Variants in GIT2 observed in about 807,000 individuals in gnomAD.
GIT2 encodes ARF GTPase-activating protein GIT2.
GIT2 carries 32 observed loss-of-function variants against 100.3 expected under a neutral mutation model. The observed-to-expected ratio is 0.32, with a 90% CI of 0.24 to 0.43. The LOEUF is 0.43. Among genes scored for constraint, GIT2 ranks in the 20% least tolerant of loss-of-function variants. GIT2 has a pLI of 1.00. For synonymous variants in GIT2, 353 were observed against 364.1 expected (o/e 0.97, Z 0.35); for missense variants, 737 against 975.1 (o/e 0.76, Z 3.25).
At chr12:109,984,282 C>A (rs760606532) in intron 4 of GIT2, among the ~76,000 whole-genome samples, 2 of 151,810 alleles carry the variant, frequency 1.3e-5, no homozygotes, top group African/African-American at 2.4e-5. Context: ...TGGTGGCATG[C>A]GCACCTGTAG....
chr12:109,973,996 C>G (rs1257466643), intron 7 of GIT2, among the ~76,000 whole-genome samples: 1 of 151,838 alleles, frequency 6.6e-6, no homozygotes, highest in East Asian at 1.9e-4. Context: ...GAGCCAAGAT[C>G]ACATCACTGC....
At position 109,934,992 on chromosome 12, in the gene GIT2, C is replaced by T. The variant is rs769030615; in HGVS notation, c.2004-907G>A. On this transcript the variant is annotated intron_variant, in intron 18 of 19. Coordinates refer to ENST00000355312, the MANE Select transcript of GIT2 (RefSeq NM_057169.5). The surrounding 1 kb of genome is among the most constrained non-coding windows in gnomAD (Gnocchi z 4.5). ...ACTCAGGAGGCTGAAGCAGGAGAAT[C>T]GCTTGAACCCGGGAGGCAGAGGTTG... Among the ~76,000 whole-genome samples the T allele has an allele frequency of 9.9e-5, 15 of 151,850 alleles. No individual in the cohort carries two copies. Among genetic ancestry groups the T allele is most frequent in the Non-Finnish European group, 8.8e-5 (6 of 67,968 alleles).
chr12:109,959,867 C>G lies in GIT2; in HGVS notation c.1079G>C (p.Ser360Thr), dbSNP rs143933367. The G allele has an allele frequency of 5.6e-6, 9 of 1,610,810 alleles. No homozygotes were observed. The African/African-American group carries it at 9.4e-5, about 17-fold the overall frequency. Residue 360 changes from serine (S) to threonine (T), a missense_variant, in exon 12 of 20, where the codon AGT becomes ACT. Coordinates refer to ENST00000355312, the MANE Select transcript of GIT2 (RefSeq NM_057169.5). ...LSDAKRRQQG[S>T]SLSGSKDNVE... ...GTTACCTTTTGAACCCGAGAGAGAA[C>G]TGCCCTGCTGTCTCCTCTTGGCGTC... is the stretch of plus-strand genomic sequence containing the variant.
rs1871491232 is a variant in GIT2 at position 109,930,659 on chromosome 12, A to G, written c.*2319T>C. On this transcript the variant is annotated 3_prime_UTR_variant, in exon 20 of 20. Transcript: ENST00000355312. ...AGCACTCTTCTGACATATTCTTACAACTGGAAATGCTTTGTTGGTCCCCAT... is the reference window on the plus strand; with the variant it reads ...AGCACTCTTCTGACATATTCTTACAGCTGGAAATGCTTTGTTGGTCCCCAT... 6.6e-6 allele frequency: 1 copy of G among 152,156 alleles called. No homozygotes were observed. The highest frequency in any genetic ancestry group is 2.4e-5 in the African/African-American group (1 of 41,428). The allele number at this position is 152,156 out of a possible 1,614,324, so 9.4% of individuals were successfully genotyped here.
intron 7 of GIT2, among the ~76,000 whole-genome samples, chr12:109,979,272 C>CTTT (rs11338613): frequency 3.5e-4 from 30 of 85,788 alleles, no homozygotes; most frequent in South Asian, 8.4e-4. Context: ...CAGAAAAAGG[C>CTTT]TTTTTTTTTT....
rs202067718 is a variant in GIT2 at position 109,991,617 on chromosome 12, T to C, written c.186+10A>G. 6.2e-7 allele frequency: 1 copy of C among 1,607,378 alleles called. No individual in the cohort carries two copies. Among genetic ancestry groups the C allele is most frequent in the East Asian group, 2.2e-5 (1 of 44,856 alleles). On this transcript the variant is annotated intron_variant, in intron 2 of 19. Transcript: ENST00000355312. Reference sequence around the variant, plus strand: ...AATTACCAACTGTCAGGAGAATTCTTATCCTTTACCTGAAGCAGTGTTGGA... The same window carrying C: ...AATTACCAACTGTCAGGAGAATTCTCATCCTTTACCTGAAGCAGTGTTGGA...
chr12:109,967,139 CCT>C (rs1342361893), intron 8 of GIT2, among the ~76,000 whole-genome samples: 19 of 152,154 alleles, frequency 1.2e-4, no homozygotes, highest in African/African-American at 3.6e-4. Context: ...TCTGCCAACC[CCT>C]GTCATAGATA....
chr12:109,942,670 G>A (rs1875143940), intron 16 of GIT2, among the ~76,000 whole-genome samples: 2 of 152,178 alleles, frequency 1.3e-5, no homozygotes, highest in Admixed American at 1.3e-4. Flanking sequence ...TGATGAAAAT[G>A]TGATAAATCG....
At chr12:109,963,323 A>T (rs989409507) in intron 9 of GIT2, among the ~76,000 whole-genome samples, 7 of 152,176 alleles carry the variant, frequency 4.6e-5, no homozygotes, top group African/African-American at 1.7e-4. Context: ...AAGGATTGGG[A>T]GCTTGACTTT....
Position 109,933,385 on chromosome 12 carries a change from T to A in GIT2, c.2068-195A>T. ...CGTAAGAGATGCTGAAATATTCTGA[T>A]TCAAAGGTCAAAGTGCATGCAGGGT... On this transcript the variant is annotated intron_variant, in intron 19 of 19. Coordinates refer to ENST00000355312, the MANE Select transcript of GIT2 (RefSeq NM_057169.5). This position sits in a 1 kb window ranked among gnomAD's most constrained non-coding sequence, Gnocchi z 4.5. 2 of 527,862 alleles carry A rather than the reference T, an allele frequency of 3.8e-6. No individual in the cohort carries two copies. The highest frequency in any genetic ancestry group is 4.9e-4 in the Middle Eastern group (1 of 2,038). The allele number at this position is 527,862 out of a possible 1,614,324, so 32.7% of individuals were successfully genotyped here. A position where few individuals can be genotyped will look rare whatever the true frequency, so the allele number is the denominator to read the frequency against.
chr12:109,975,318 C>T (rs1250232796), intron 7 of GIT2, among the ~76,000 whole-genome samples: 2 of 152,136 alleles, frequency 1.3e-5, no homozygotes, highest in African/African-American at 4.8e-5. Context: ...ATCCTCCCAC[C>T]TCAGCCCCTC....
At chr12:109,946,507 C>A (rs1592979637) in intron 15 of GIT2, among the ~76,000 whole-genome samples, 1 of 152,196 alleles carries the variant, frequency 6.6e-6, no homozygotes, top group African/African-American at 2.4e-5. Context: ...ATAAAGTAAT[C>A]CAGAAGAAAT....
At chr12:109,979,124 T>A (rs920842957) in intron 7 of GIT2, among the ~76,000 whole-genome samples, 1 of 152,148 alleles carries the variant, frequency 6.6e-6, no homozygotes, top group Non-Finnish European at 1.5e-5. Flanking sequence ...CTGCCACTGC[T>A]GCTGCTGCTA....
chr12:109,967,424 T>C (rs372845497), intron 8 of GIT2, 34 bp downstream of exon 8: 5 of 1,517,624 alleles, frequency 3.3e-6, no homozygotes, highest in Non-Finnish European at 4.6e-6. Flanking sequence ...ATATTAGCGA[T>C]AGACAAAACT....
intron 9 of GIT2, among the ~76,000 whole-genome samples, chr12:109,963,391 T>A (rs1372819158): frequency 6.6e-6 from 1 of 152,236 alleles, no homozygotes; most frequent in Non-Finnish European, 1.5e-5. Flanking sequence ...TTATTATTAC[T>A]AGCAACAACT....
intron 16 of GIT2, among the ~76,000 whole-genome samples, chr12:109,941,118 C>T (rs572588775): frequency 6.6e-6 from 1 of 152,294 alleles, no homozygotes; most frequent in Non-Finnish European, 1.5e-5. Flanking sequence ...CTTCCATCCA[C>T]ACCTCCACGC....
rs985476176 is a variant in GIT2, at chr12:109,948,492, A to C, written c.1393-988T>G. The C allele has an allele frequency of 8.5e-7, 1 of 1,180,188 alleles. No individual in the cohort carries two copies. The highest frequency in any genetic ancestry group is 1.1e-6 in the Non-Finnish European group (1 of 952,134). The allele number at this position is 1,180,188 out of a possible 1,614,324, so 73.1% of individuals were successfully genotyped here. A position where few individuals can be genotyped will look rare whatever the true frequency, so the allele number is the denominator to read the frequency against. ...ATTAGAGTTAAGGGGTCAGCAGGGA[A>C]TCGTGTTACTCTTTGGCATCTGGCA... On this transcript the variant is annotated intron_variant, in intron 14 of 19. Coordinates refer to ENST00000355312, the MANE Select transcript of GIT2 (RefSeq NM_057169.5). The surrounding 1 kb of genome is among the most constrained non-coding windows in gnomAD (Gnocchi z 4.3).
intron 14 of GIT2, chr12:109,950,772 AGCAGGGTTTGAAT>A (rs1877625861): frequency 6.0e-6 from 1 of 166,664 alleles, no homozygotes; most frequent in Non-Finnish European, 1.3e-5. Flanking sequence ...CCAGGGTGGG[AGCAGGGTTTGAAT>A]GCTGATAAAC....
Position 109,948,834 on chromosome 12 carries a change from C to G in GIT2, c.1393-1330G>C, listed in dbSNP as rs567963715. 3 of 1,600,126 alleles carry G rather than the reference C, an allele frequency of 1.9e-6. No individual in the cohort carries two copies. Among genetic ancestry groups the G allele is most frequent in the Non-Finnish European group, 2.6e-6 (3 of 1,169,940 alleles). On this transcript the variant is annotated intron_variant, in intron 14 of 19. Coordinates refer to ENST00000355312, the MANE Select transcript of GIT2 (RefSeq NM_057169.5). The surrounding 1 kb of genome is among the most constrained non-coding windows in gnomAD (Gnocchi z 4.3). Reference sequence around the variant, plus strand: ...GTTGCTCCTCTTCATTAATTAGCATCTTTTCCAAGCAACTGTTAAATGTGA... The same window carrying G: ...GTTGCTCCTCTTCATTAATTAGCATGTTTTCCAAGCAACTGTTAAATGTGA...
Sources: allele counts gnomAD v4.1 joint callset (sites outside exome capture counted in the v4.1 genomes callset), GRCh38; gene constraint gnomAD v4.1.1; non-coding constraint Gnocchi (gnomAD v3.1); transcripts MANE v1.5; gene names NCBI Gene and HGNC (gene_info 2026-07-23, HGNC 2026-07-21).